CAST: variants seen among roughly 807,000 people sequenced by gnomAD.
The protein encoded by CAST is calpastatin, also known as MIR583 host.
A neutral mutation model predicts 119.6 loss-of-function variants in CAST; 76 were observed. That is an observed-to-expected ratio of 0.64 (90% confidence interval 0.53 to 0.77). CAST has a LOEUF of 0.77. Ranked by LOEUF, CAST falls within the 30% of genes least tolerant of loss-of-function variation. The pLI, the probability that CAST is intolerant of heterozygous loss-of-function variation, is 0.00. For synonymous variants in CAST, 319 were observed against 331.6 expected (o/e 0.96, Z 0.41); for missense variants, 953 against 946.5 (o/e 1.01, Z -0.09).
At position 96,753,750 on chromosome 5, in the gene CAST, G is replaced by T. The variant is rs150374856; in HGVS notation, c.1525-310G>T. ...AAGACCACGTCTTTCTTTTTTCCTG[G>T]TATGCAACTTATCTGTGATACACCT... On this transcript the variant is annotated intron_variant, in intron 20 of 31. Coordinates refer to ENST00000675179, the MANE Select transcript of CAST (RefSeq NM_001750.7). Among the ~76,000 whole-genome samples, 350 of 152,158 alleles carry T rather than the reference G, an allele frequency of 2.3e-3. 1 individual carries two copies. Among genetic ancestry groups the T allele is most frequent in the African/African-American group, 8.1e-3 (338 of 41,494 alleles).
the CAST span, among the ~76,000 whole-genome samples, chr5:96,407,340 G>T: frequency 6.6e-6 from 1 of 152,116 alleles, no homozygotes; most frequent in African/African-American, 2.4e-5. Context: ...GAGCTGAAGG[G>T]TATGAAATAT....
chr5:96,149,528 T>G, the CAST span, among the ~76,000 whole-genome samples: 1 of 152,206 alleles, frequency 6.6e-6, no homozygotes, highest in Non-Finnish European at 1.5e-5. Context: ...GGTGCCTCCC[T>G]ATTTTTCCAA....
intron 1 of CAST, among the ~76,000 whole-genome samples, chr5:96,634,871 G>A (rs187266453): frequency 1.1e-4 from 17 of 152,336 alleles, no homozygotes; most frequent in African/African-American, 3.1e-4. Flanking sequence ...CTGACTGTGC[G>A]ATTTGGGAGA....
the CAST span, among the ~76,000 whole-genome samples, chr5:96,159,178 A>G: frequency 6.6e-6 from 1 of 152,352 alleles, no homozygotes; most frequent in Middle Eastern, 3.4e-3. Context: ...CAGCATGTTC[A>G]GGACTAAGCA....
chr5:96,122,463 G>T, the CAST span, among the ~76,000 whole-genome samples: 24 of 152,022 alleles, frequency 1.6e-4, no homozygotes, highest in Non-Finnish European at 2.8e-4. Flanking sequence ...AGTCCAAATT[G>T]ATTTTGAGCC....
At chr5:96,549,139 C>A (rs921837963) in intron 1 of CAST, among the ~76,000 whole-genome samples, 4 of 152,174 alleles carry the variant, frequency 2.6e-5, no homozygotes, top group Non-Finnish European at 4.4e-5. Context: ...AGAGTGAGAG[C>A]TACAAAGCAG....
At chr5:96,462,197 C>T in the CAST span, among the ~76,000 whole-genome samples, 45 of 152,158 alleles carry the variant, frequency 3.0e-4, no homozygotes, top group African/African-American at 9.9e-4. Flanking sequence ...TACATTATTG[C>T]TTTCTTAATT....
the CAST span, among the ~76,000 whole-genome samples, chr5:96,162,850 T>C: frequency 6.6e-6 from 1 of 152,246 alleles, no homozygotes; most frequent in African/African-American, 2.4e-5. Flanking sequence ...ATAAGCGATA[T>C]TGGTTTATAG....
chr5:96,082,560 CT>C, the CAST span, among the ~76,000 whole-genome samples: 1 of 152,170 alleles, frequency 6.6e-6, no homozygotes, highest in South Asian at 2.1e-4. Flanking sequence ...TTCATTTCTA[CT>C]TATTTTAGTA....
chr5:96,714,438 G>A (rs1000017345), intron 3 of CAST, among the ~76,000 whole-genome samples: 3 of 152,160 alleles, frequency 2.0e-5, no homozygotes, highest in Non-Finnish European at 4.4e-5. Flanking sequence ...GAAAAGGTGC[G>A]CAAGAAAGAT....
intron 1 of CAST, among the ~76,000 whole-genome samples, chr5:96,532,258 C>T (rs1745702486): frequency 6.6e-6 from 1 of 152,086 alleles, no homozygotes; most frequent in Non-Finnish European, 1.5e-5. Flanking sequence ...ATTTAAAGGG[C>T]CTACTGAGGG....
chr5:96,666,283 A>ACCACT (rs1749332065), intron 1 of CAST, among the ~76,000 whole-genome samples: 1 of 121,538 alleles, frequency 8.2e-6, no homozygotes, highest in Non-Finnish European at 1.7e-5. Flanking sequence ...CACACACCAC[A>ACCACT]CAACTCTGCA....
chr5:96,626,374 C>T (rs1446951665), intron 1 of CAST, among the ~76,000 whole-genome samples: 1 of 152,190 alleles, frequency 6.6e-6, no homozygotes, highest in East Asian at 1.9e-4. Flanking sequence ...TACAGCTTCC[C>T]ATCACTCTTG....
At chr5:96,508,484 C>T in the CAST span, among the ~76,000 whole-genome samples, 1 of 152,088 alleles carries the variant, frequency 6.6e-6, no homozygotes, top group Non-Finnish European at 1.5e-5. Context: ...CTGAATTCAC[C>T]ACACTTTAAA....
the CAST span, among the ~76,000 whole-genome samples, chr5:96,094,718 A>G: frequency 6.6e-6 from 1 of 152,112 alleles, no homozygotes; most frequent in Non-Finnish European, 1.5e-5. Flanking sequence ...ACTTTTCCTC[A>G]CTCTACTGTG....
At chr5:96,593,765 A>T (rs996451497) in intron 1 of CAST, among the ~76,000 whole-genome samples, 1 of 152,138 alleles carries the variant, frequency 6.6e-6, no homozygotes, top group African/African-American at 2.4e-5. Context: ...CCCTCTTTCC[A>T]CCATGTGGGA....
At chr5:96,666,559 AG>A (rs1749365115) in intron 1 of CAST, among the ~76,000 whole-genome samples, 1 of 152,240 alleles carries the variant, frequency 6.6e-6, no homozygotes, top group African/African-American at 2.4e-5. Context: ...ACTTGCTCAC[AG>A]TGAATTTTAG....
chr5:96,193,682 AAC>A, the CAST span, among the ~76,000 whole-genome samples: 26,768 of 152,048 alleles, frequency 0.18, 3,923 homozygotes, highest in African/African-American at 0.39. Context: ...ATTTTTAAGT[AAC>A]AGTGGGATTG....
chr5:96,191,154 C>T, the CAST span, among the ~76,000 whole-genome samples: 6 of 152,164 alleles, frequency 3.9e-5, no homozygotes, highest in Non-Finnish European at 8.8e-5. Flanking sequence ...TGCTGGCTTC[C>T]AGTTTGCTGA....
Sources: allele counts gnomAD v4.1 joint callset (sites outside exome capture counted in the v4.1 genomes callset), GRCh38; gene constraint gnomAD v4.1.1; transcripts MANE v1.5; gene names NCBI Gene and HGNC (gene_info 2026-07-23, HGNC 2026-07-21).